The following VRK3 variants were observed in gnomAD, a reference collection of about 807,000 sequenced individuals.
The protein encoded by VRK3 is VRK serine/threonine kinase 3, also known as serine/threonine-protein kinase VRK3.
VRK3 carries 50 observed loss-of-function variants against 60.4 expected under a neutral mutation model. The observed-to-expected ratio is 0.83, with a 90% confidence interval of 0.66 to 1.05. The LOEUF is 1.05. Ranked by LOEUF, VRK3 falls within the 50% of genes least tolerant of loss-of-function variation. The probability of loss-of-function intolerance (pLI) is 0.00; values close to 1 mark genes in which losing one functional copy is unlikely to be tolerated. For synonymous variants in VRK3, 246 were observed against 227.8 expected, an observed-to-expected ratio of 1.08 and a Z score of -0.72; for missense variants, 549 against 585.3, an observed-to-expected ratio of 0.94 and a Z score of 0.64.
intron 5 of VRK3, among the ~76,000 whole-genome samples, chr19:50,007,111 C>T (rs2076905916): frequency 6.6e-6 from 1 of 152,198 alleles, no homozygotes; most frequent in Non-Finnish European, 1.5e-5. Flanking sequence ...CACAGAGACC[C>T]CTATTATGTA....
At chr19:50,015,646 A>G (rs2077063321) in intron 3 of VRK3, 1 of 188,830 alleles carries the variant, frequency 5.3e-6, no homozygotes, top group Non-Finnish European at 1.1e-5. Context: ...TCAACCAGTA[A>G]GTATAATGCA....
Position 49,997,440 on chromosome 19 carries a change from A to G in VRK3, c.679+64T>C, listed in dbSNP as rs10425307. The G allele has an allele frequency of 1.0e-2, 15,703 of 1,573,746 alleles. 1,355 individuals are homozygous for G. The African/African-American group carries it at 0.19, about 19-fold the overall frequency. The stretch of plus-strand genomic sequence containing the variant: ...TTCTCATGCCTGCAGGTAGAAGTCA[A>G]GTGCTGTGACCAAGTTGGCGCCCCC... On this transcript the variant is annotated intron_variant, in intron 7 of 14. Transcript: ENST00000316763.
At chr19:50,002,151 G>C (rs1290675059) in intron 5 of VRK3, among the ~76,000 whole-genome samples, 1 of 152,124 alleles carries the variant, frequency 6.6e-6, no homozygotes, top group Non-Finnish European at 1.5e-5. Context: ...TCACGCTGGT[G>C]TCCCTCCTTC....
intron 2 of VRK3, 78 bp from the exon 3 acceptor site, chr19:50,016,241 A>G (rs2077075924): frequency 6.3e-7 from 1 of 1,577,698 alleles, no homozygotes; most frequent in South Asian, 1.1e-5. Context: ...ACTGCTCTTA[A>G]TCACAGGGTG....
Position 49,981,023 on chromosome 19 carries a change from C to G in VRK3, c.1218-10G>C, listed in dbSNP as rs2122999788. ...CGGCTTATCAACAAACCTGAAGGGACAGAAACACATGTGAAAGGTCTCTTA... is the reference window on the plus strand; with the variant it reads ...CGGCTTATCAACAAACCTGAAGGGAGAGAAACACATGTGAAAGGTCTCTTA... On this transcript the variant is annotated splice_polypyrimidine_tract_variant and intron_variant, in intron 12 of 14. Coordinates refer to ENST00000316763, the MANE Select transcript of VRK3 (RefSeq NM_016440.4). 6.2e-7 allele frequency: 1 copy of G among 1,611,736 alleles called. No individual in the cohort carries two copies. The highest frequency in any genetic ancestry group is 8.5e-7 in the Non-Finnish European group (1 of 1,178,952).
At chr19:49,982,098 G>A (rs1335690852) in intron 12 of VRK3, 10 of 702,638 alleles carry the variant, frequency 1.4e-5, no homozygotes, top group African/African-American at 1.0e-4. Context: ...GAACTGGGAG[G>A]AGGTGGAAAA....
intron 5 of VRK3, among the ~76,000 whole-genome samples, chr19:50,003,596 T>A (rs1043724661): frequency 4.6e-5 from 7 of 152,214 alleles, no homozygotes; most frequent in African/African-American, 1.4e-4. Flanking sequence ...CAAGAGTTAA[T>A]AAAATGCTTA....
chr19:50,021,523 C>T (rs969987368), intron 1 of VRK3, among the ~76,000 whole-genome samples: 2 of 152,206 alleles, frequency 1.3e-5, no homozygotes, highest in Non-Finnish European at 2.9e-5. Context: ...GGAACTGAGG[C>T]CCCTGGCCAA....
intron 1 of VRK3, 107 bp from the exon 2 acceptor site, chr19:50,020,754 T>C (rs2077158508): frequency 1.3e-5 from 2 of 152,214 alleles, no homozygotes; most frequent in Non-Finnish European, 2.9e-5. Flanking sequence ...ATGTGCCAAA[T>C]CCATTCGTTT....
At chr19:49,978,018 C>T (rs2076359951) in intron 14 of VRK3, among the ~76,000 whole-genome samples, 1 of 152,170 alleles carries the variant, frequency 6.6e-6, no homozygotes, top group South Asian at 2.1e-4. Context: ...AGAAGAACGT[C>T]GCTGCGCCGG....
intron 2 of VRK3, among the ~76,000 whole-genome samples, chr19:50,020,043 AT>A (rs59318175): frequency 0.035 from 5,034 of 142,298 alleles, 245 homozygotes; most frequent in African/African-American, 0.12. Context: ...CACCCAGCTA[AT>A]TTTTTTTTTT....
At chr19:49,988,227 C>A in intron 12 of VRK3, 145 bp downstream of exon 12, 1 of 1,306,720 alleles carries the variant, frequency 7.7e-7, no homozygotes, top group Non-Finnish European at 1.0e-6. Context: ...GACACTGCAG[C>A]ACATGCCTGT....
intron 3 of VRK3, among the ~76,000 whole-genome samples, chr19:50,011,454 G>A (rs185816887): frequency 1.3e-5 from 2 of 152,296 alleles, no homozygotes; most frequent in East Asian, 3.9e-4. Context: ...CTACTGGAAT[G>A]GCCTCCTAAC....
intron 3 of VRK3, among the ~76,000 whole-genome samples, chr19:50,009,881 T>G (rs181995992): frequency 6.6e-6 from 1 of 152,300 alleles, no homozygotes; most frequent in African/African-American, 2.4e-5. Flanking sequence ...CCTCAAGTGA[T>G]CGGCCAGCCT....
intron 12 of VRK3, among the ~76,000 whole-genome samples, chr19:49,983,936 TG>T (rs148093508): frequency 0.052 from 7,981 of 152,150 alleles, 684 homozygotes; most frequent in African/African-American, 0.18. Context: ...TTTGTGCGCC[TG>T]GCCCTCTATG....
In VRK3 at chr19:50,022,560, C is replaced by T. The variant is rs140357365; in HGVS notation, c.-64-1913G>A. ...CAGCACTTTGGGAGGCCGAGGTGGG[C>T]GGATCACGTGAGGTTAGGAGTTCCA... On this transcript the variant is annotated intron_variant, in intron 1 of 14. Transcript: ENST00000316763. Among the ~76,000 whole-genome samples, 1,296 of 151,894 alleles carry T rather than the reference C, an allele frequency of 8.5e-3. 17 individuals carry two copies. The highest frequency in any genetic ancestry group is 0.029 in the African/African-American group (1,215 of 41,412).
At position 49,989,643 on chromosome 19, in the gene VRK3, T is replaced by A; in HGVS notation, c.1092A>T (p.Gly364=). 6.2e-7 allele frequency: 1 copy of A among 1,607,814 alleles called. No individual in the cohort carries two copies. The highest frequency in any genetic ancestry group is 1.3e-5 in the African/African-American group (1 of 74,944). Reference sequence around the variant, plus strand: ...AACCCATCCCTGGCCTCGTACCGCATCCCTTGTGCAGGTCCATGCTAATGA... The same window carrying A: ...AACCCATCCCTGGCCTCGTACCGCAACCCTTGTGCAGGTCCATGCTAATGA... ...LEFISMDLHK[G]CGPSRRSDLQ... is the part of the protein sequence containing the mutation. Residue 364 remains glycine (G), a synonymous_variant, in exon 11 of 15, where the codon GGA becomes GGT. Coordinates refer to ENST00000316763, the MANE Select transcript of VRK3 (RefSeq NM_016440.4).
chr19:50,007,694 T>C lies in VRK3; in HGVS notation c.422A>G (p.Lys141Arg), dbSNP rs139143464. ...QKTRQSPQTLKRSRVTTSLEA... is the reference protein window; with the variant it reads ...QKTRQSPQTLRRSRVTTSLEA... The stretch of plus-strand genomic sequence containing the variant: ...AAGTGAGGTGGTCACTCGGCTCCGC[T>C]TCAGCGTCTGAGGGCTCTGCCTGGT... The change falls in exon 5 of 15, where the codon AAG (lysine) becomes AGG (arginine). Residue 141 changes from lysine (K) to arginine (R), a missense_variant. By Grantham distance (26) the Lys-to-Arg change is conservative. Transcript: ENST00000316763. The C allele has an allele frequency of 3.7e-5, 60 of 1,614,080 alleles. No homozygotes were observed. In the African/African-American group the frequency reaches 7.6e-4, roughly 20 times the overall value.
At chr19:49,990,061 T>C (rs1260323268) in intron 10 of VRK3, among the ~76,000 whole-genome samples, 3 of 151,844 alleles carry the variant, frequency 2.0e-5, no homozygotes, top group African/African-American at 4.8e-5. Flanking sequence ...GGTAAACATA[T>C]GTGGATGGGG....
Sources: gnomAD v4.1 joint callset for allele counts (sites outside exome capture counted in the v4.1 genomes callset) on GRCh38, gnomAD v4.1.1 for gene constraint, MANE v1.5 for transcripts, NCBI Gene and HGNC (gene_info 2026-07-23, HGNC 2026-07-21) for gene names.